The following ACOT11 variants were observed in gnomAD, a reference collection of about 807,000 sequenced individuals.
ACOT11 encodes acyl-coenzyme A thioesterase 11.
In ACOT11, 69 loss-of-function variants were observed where a neutral mutation model predicts 77.5. That is an observed-to-expected ratio of 0.89 (90% confidence interval 0.73 to 1.09). The LOEUF (loss-of-function observed/expected upper bound fraction) is 1.09, where lower values mean the gene tolerates loss of function less well. Ranked by LOEUF, ACOT11 falls within the 50% of genes least tolerant of loss-of-function variation. The probability of loss-of-function intolerance (pLI) is 0.00; values close to 1 mark genes in which losing one functional copy is unlikely to be tolerated. For missense variants in ACOT11, 766 were observed against 813.7 expected, an observed-to-expected ratio of 0.94 and a Z score of 0.71; for synonymous variants, 279 against 313.0, an observed-to-expected ratio of 0.89 and a Z score of 1.15.
At chr1:54,631,395 A>T (rs11206397) in intron 16 of ACOT11, among the ~76,000 whole-genome samples, 48,218 of 152,062 alleles carry the variant, frequency 0.32, 8,056 homozygotes, top group Middle Eastern at 0.41. Flanking sequence ...GTTCTCCTTT[A>T]GTAATTGGAC....
chr1:54,623,409 G>A, intron 15 of ACOT11: 1 of 1,603,360 alleles, frequency 6.2e-7, no homozygotes, highest in East Asian at 2.2e-5. Flanking sequence ...GACGCTCTCT[G>A]GGGAATGCCC....
intron 1 of ACOT11, among the ~76,000 whole-genome samples, chr1:54,571,071 C>CTCTCTCTTT (rs779276330): frequency 7.0e-5 from 10 of 141,846 alleles, no homozygotes; most frequent in African/African-American, 2.4e-4. Flanking sequence ...TTCTCTCTCT[C>CTCTCTCTTT]TTTTTTTTTT....
Position 54,601,860 on chromosome 1 carries a change from G to A in ACOT11, c.1029+447G>A, listed in dbSNP as rs116752923. ...TGACTCCATGCCTGGCTGCGCCCTG[G>A]GAGCGGTCAGGAGGATGGTGAAAGC... On this transcript the variant is annotated intron_variant, in intron 9 of 15. Coordinates refer to ENST00000343744, the MANE Select transcript of ACOT11 (RefSeq NM_147161.4). 3.1e-4 allele frequency among the ~76,000 whole-genome samples: 47 copies of A among 152,368 alleles called. No individual in the cohort carries two copies. The South Asian group carries it at 9.7e-3, about 32-fold the overall frequency.
chr1:54,607,323 C>G lies in ACOT11; in HGVS notation c.1502+58C>G. Reference sequence around the variant, plus strand: ...CAACTGGACAGGGTGGTAGGGTGGCCGCTTCTCCCTCCCAGGGAAGGGCAT... The same window carrying G: ...CAACTGGACAGGGTGGTAGGGTGGCGGCTTCTCCCTCCCAGGGAAGGGCAT... On this transcript the variant is annotated intron_variant, in intron 14 of 15. Coordinates refer to ENST00000343744, the MANE Select transcript of ACOT11 (RefSeq NM_147161.4). This position sits in a 1 kb window ranked among gnomAD's most constrained non-coding sequence, Gnocchi z 4.5. 1 of 1,595,578 alleles carries G rather than the reference C, an allele frequency of 6.3e-7. No individual in the cohort carries two copies.
At chr1:54,620,377 G>T (rs890204713) in intron 15 of ACOT11, among the ~76,000 whole-genome samples, 2 of 152,236 alleles carry the variant, frequency 1.3e-5, no homozygotes, top group Non-Finnish European at 2.9e-5. Context: ...CCATTGGCCT[G>T]GTAGAGATGG....
At chr1:54,548,543 G>T in intron 1 of ACOT11, 1 of 681,820 alleles carries the variant, frequency 1.5e-6, no homozygotes, top group South Asian at 1.9e-5. Flanking sequence ...AGCCCCAGGG[G>T]CTGTCAGATC....
chr1:54,572,294 G>A (rs1653953471), intron 1 of ACOT11, among the ~76,000 whole-genome samples: 1 of 151,962 alleles, frequency 6.6e-6, no homozygotes, highest in African/African-American at 2.4e-5. Flanking sequence ...GATGCCTGTA[G>A]CTGCTGTGCC....
Position 54,556,093 on chromosome 1 carries a change from T to C in ACOT11, c.33+7751T>C, listed in dbSNP as rs12135305. Among the ~76,000 whole-genome samples the C allele has an allele frequency of 5.8e-3, 879 of 152,300 alleles. 4 individuals are homozygous for C. The highest frequency in any genetic ancestry group is 9.7e-3 in the Non-Finnish European group (663 of 68,018). On this transcript the variant is annotated intron_variant, in intron 1 of 15. Coordinates refer to ENST00000343744, the MANE Select transcript of ACOT11 (RefSeq NM_147161.4). ...AGATAAGGGATTGATTTCATTTTTC[T>C]ACATGTGGGTTTCCAGTTTTCCCAA...
intron 15 of ACOT11, among the ~76,000 whole-genome samples, chr1:54,630,556 C>A (rs923812814): frequency 3.3e-5 from 5 of 152,184 alleles, no homozygotes; most frequent in African/African-American, 1.2e-4. Flanking sequence ...CCTTCGTTTC[C>A]CATAAGGGAT....
At position 54,609,275 on chromosome 1, in the gene ACOT11, C is replaced by G; in HGVS notation, c.*163C>G. 1 of 1,604,294 alleles carries G rather than the reference C, an allele frequency of 6.2e-7. No individual in the cohort carries two copies. The highest frequency in any genetic ancestry group is 8.5e-7 in the Non-Finnish European group (1 of 1,173,298). ...CCCACCACCCCTGGGTGCTCAGTTTCTACCAACATGAGCCAGCAAGTCCTT... is the reference window on the plus strand; with the variant it reads ...CCCACCACCCCTGGGTGCTCAGTTTGTACCAACATGAGCCAGCAAGTCCTT... On this transcript the variant is annotated 3_prime_UTR_variant, in exon 16 of 16. Transcript: ENST00000343744.
intron 1 of ACOT11, among the ~76,000 whole-genome samples, chr1:54,555,850 T>C (rs1653240378): frequency 6.6e-6 from 1 of 152,312 alleles, no homozygotes; most frequent in South Asian, 2.1e-4. Flanking sequence ...GTTCAAGTGA[T>C]TCTCCTGCTG....
At chr1:54,581,095 C>T (rs1189386776) in intron 1 of ACOT11, among the ~76,000 whole-genome samples, 1 of 152,178 alleles carries the variant, frequency 6.6e-6, no homozygotes, top group Non-Finnish European at 1.5e-5. Flanking sequence ...GGTCTATGTG[C>T]TCCTAAGGGG....
chr1:54,608,180 G>T, intron 15 of ACOT11, 112 bp downstream of exon 15: 1 of 1,032,030 alleles, frequency 9.7e-7, no homozygotes, highest in African/African-American at 1.6e-5. Flanking sequence ...CCCCCCAGCA[G>T]GCTCCCCCTT....
intron 1 of ACOT11, among the ~76,000 whole-genome samples, chr1:54,562,714 C>T (rs1420258771): frequency 1.3e-5 from 1 of 75,592 alleles, no homozygotes; most frequent in South Asian, 5.3e-4. Flanking sequence ...AGAGACGCTC[C>T]TCACCTCCCA....
chr1:54,558,379 G>A (rs950567490), intron 1 of ACOT11, among the ~76,000 whole-genome samples: 1 of 152,192 alleles, frequency 6.6e-6, no homozygotes, highest in Non-Finnish European at 1.5e-5. Context: ...GTAGATAATT[G>A]TGTCCGTATT....
intron 11 of ACOT11, 111 bp downstream of exon 11, chr1:54,604,048 C>T (rs1643996134): frequency 2.0e-6 from 2 of 1,002,820 alleles, no homozygotes; most frequent in Admixed American, 3.8e-5. Flanking sequence ...ATATGAATGA[C>T]ACGCCTCATG....
chr1:54,564,964 G>C (rs969052921), intron 1 of ACOT11, among the ~76,000 whole-genome samples: 30 of 152,246 alleles, frequency 2.0e-4, no homozygotes, highest in African/African-American at 7.2e-4. Flanking sequence ...AGAGGAAGGG[G>C]CCCAAGCATA....
chr1:54,578,929 A>C (rs479508), intron 1 of ACOT11, among the ~76,000 whole-genome samples: 14,570 of 152,118 alleles, frequency 0.096, 1,592 homozygotes, highest in African/African-American at 0.26. Flanking sequence ...ATAACTGTTC[A>C]CCAAATGAAT....
intron 6 of ACOT11, among the ~76,000 whole-genome samples, chr1:54,596,136 C>G (rs371578623): frequency 1.3e-5 from 2 of 152,254 alleles, no homozygotes; most frequent in East Asian, 3.9e-4. Context: ...TGGCTGGCCA[C>G]TCAGCTTCAC....
Sources: allele counts gnomAD v4.1 joint callset (sites outside exome capture counted in the v4.1 genomes callset), GRCh38; gene constraint gnomAD v4.1.1; non-coding constraint Gnocchi (gnomAD v3.1); transcripts MANE v1.5; gene names NCBI Gene and HGNC (gene_info 2026-07-23, HGNC 2026-07-21).